The following ERC2 variants were observed in gnomAD, a reference collection of about 807,000 sequenced individuals.
ERC2 encodes ELKS/RAB6-interacting/CAST family member 2.
A neutral mutation model predicts 114.8 loss-of-function variants in ERC2; 42 were observed. The ratio of observed to expected loss-of-function variants is 0.37; its 90% confidence interval spans 0.29 to 0.47. ERC2 has a LOEUF of 0.47. Among genes scored for constraint, ERC2 ranks in the 20% least tolerant of loss-of-function variants. The probability of loss-of-function intolerance (pLI) is 0.99; values close to 1 mark genes in which losing one functional copy is unlikely to be tolerated. For missense variants in ERC2, 939 were observed against 1,150.7 expected (o/e 0.82, Z 2.66); for synonymous variants, 454 against 425.5 (o/e 1.07, Z -0.82).
intron 14 of ERC2, among the ~76,000 whole-genome samples, chr3:55,796,694 G>A (rs1575624362): frequency 1.3e-5 from 2 of 152,236 alleles, no homozygotes; most frequent in Middle Eastern, 6.8e-3. Flanking sequence ...CGAAGTGCTG[G>A]GATTACAGGC....
intron 14 of ERC2, among the ~76,000 whole-genome samples, chr3:55,869,410 A>G (rs1315043307): frequency 1.3e-5 from 2 of 152,126 alleles, no homozygotes; most frequent in African/African-American, 4.8e-5. Flanking sequence ...ACCTTCCAGA[A>G]CTGTTCTGAA....
chr3:56,458,698 G>A (rs2063175376), intron 1 of ERC2, among the ~76,000 whole-genome samples: 1 of 152,086 alleles, frequency 6.6e-6, no homozygotes, highest in African/African-American at 2.4e-5. Context: ...CTGTCAGGGA[G>A]AGGCTTCATG....
At chr3:56,193,298 A>G (rs2150074504) in intron 3 of ERC2, among the ~76,000 whole-genome samples, 1 of 152,286 alleles carries the variant, frequency 6.6e-6, no homozygotes, top group African/African-American at 2.4e-5. Context: ...AGGATCACTC[A>G]GGAGTTCGAG....
intron 17 of ERC2, among the ~76,000 whole-genome samples, chr3:55,552,673 G>GA (rs1303745795): frequency 1.3e-5 from 2 of 150,928 alleles, no homozygotes; most frequent in Non-Finnish European, 3.0e-5. Flanking sequence ...AGGAACCCCT[G>GA]AAAATGCCCT....
chr3:56,070,214 A>T lies in ERC2; in HGVS notation c.1641+10603T>A, dbSNP rs9813841. The stretch of plus-strand genomic sequence containing the variant: ...ACAGAACATTTTCCTTCCCACATAA[A>T]TAAGGTTGATTTAAATCAAATGGCC... On this transcript the variant is annotated intron_variant, in intron 7 of 17. Coordinates refer to ENST00000288221, the MANE Select transcript of ERC2 (RefSeq NM_015576.3). Among the ~76,000 whole-genome samples, 451 of 152,338 alleles carry T rather than the reference A, an allele frequency of 3.0e-3. 3 individuals carry two copies. The highest frequency in any genetic ancestry group is 0.01 in the African/African-American group (417 of 41,574).
chr3:56,289,306 C>T (rs2054927110), intron 3 of ERC2, among the ~76,000 whole-genome samples: 1 of 151,884 alleles, frequency 6.6e-6, no homozygotes, highest in African/African-American at 2.4e-5. Context: ...TTCCCTTCAA[C>T]TTCCATGGCC....
intron 14 of ERC2, among the ~76,000 whole-genome samples, chr3:55,790,098 A>C (rs1012946422): frequency 6.6e-6 from 1 of 152,106 alleles, no homozygotes; most frequent in African/African-American, 2.4e-5. Context: ...CTCACTTGAA[A>C]TCTTTTCATG....
chr3:55,589,945 T>C (rs1029099635), intron 17 of ERC2, among the ~76,000 whole-genome samples: 1 of 152,214 alleles, frequency 6.6e-6, no homozygotes, highest in Non-Finnish European at 1.5e-5. Flanking sequence ...CACTCCCCAG[T>C]GTCCCATCCA....
At chr3:56,385,601 G>A (rs1390534716) in intron 2 of ERC2, among the ~76,000 whole-genome samples, 1 of 152,136 alleles carries the variant, frequency 6.6e-6, no homozygotes, top group African/African-American at 2.4e-5. Flanking sequence ...AATCATTTAT[G>A]TAATATTGAA....
At chr3:55,687,034 G>T (rs1313396676) in intron 16 of ERC2, among the ~76,000 whole-genome samples, 2 of 152,298 alleles carry the variant, frequency 1.3e-5, no homozygotes, top group Admixed American at 6.5e-5. Context: ...CAGTTCCAGG[G>T]ATGACGTGAC....
At chr3:55,722,795 AT>A (rs1237720198) in intron 15 of ERC2, among the ~76,000 whole-genome samples, 1 of 152,168 alleles carries the variant, frequency 6.6e-6, no homozygotes, top group Non-Finnish European at 1.5e-5. Flanking sequence ...CTGTAGTAGG[AT>A]TCTGCCCCAA....
At position 56,158,851 on chromosome 3, in the gene ERC2, A is replaced by G. The variant is rs574783227; in HGVS notation, c.1150-9719T>C. Among the ~76,000 whole-genome samples the G allele has an allele frequency of 1.3e-4, 19 of 151,780 alleles. No homozygotes were observed. In the East Asian group the frequency reaches 3.3e-3, roughly 26 times the overall value. On this transcript the variant is annotated intron_variant, in intron 4 of 17. Transcript: ENST00000288221. ...AATTCCTGATCATTTCTATGTTTAG[A>G]AAAAAGCACATTATTGAAAACATGA...
chr3:55,903,593 C>T (rs963697828), intron 13 of ERC2, among the ~76,000 whole-genome samples: 1 of 152,226 alleles, frequency 6.6e-6, no homozygotes, highest in Non-Finnish European at 1.5e-5. Context: ...AAAACAGCCT[C>T]ATTATTTAAA....
At chr3:55,958,657 C>T (rs1417814609) in intron 12 of ERC2, among the ~76,000 whole-genome samples, 1 of 152,234 alleles carries the variant, frequency 6.6e-6, no homozygotes, top group African/African-American at 2.4e-5. Context: ...CTCGTCAGCA[C>T]CCAAAGTCTA....
At chr3:55,748,285 T>C (rs749106141) in intron 14 of ERC2, among the ~76,000 whole-genome samples, 1 of 152,204 alleles carries the variant, frequency 6.6e-6, no homozygotes, top group Non-Finnish European at 1.5e-5. Flanking sequence ...ACTGGCCACA[T>C]AAGCAAAAAT....
chr3:56,428,549 AAGGAAGGGAGGG>A (rs2061663331), intron 2 of ERC2, among the ~76,000 whole-genome samples: 1 of 23,950 alleles, frequency 4.2e-5, no homozygotes, highest in Admixed American at 6.4e-4. Flanking sequence ...GAAAGGAAGG[AAGGAAGGGAGGG>A]AGGGAGGGAG....
chr3:55,653,281 CATAGTTCACTTTA>C (rs762786492), intron 17 of ERC2, among the ~76,000 whole-genome samples: 3 of 151,906 alleles, frequency 2.0e-5, no homozygotes, highest in Non-Finnish European at 4.4e-5. Flanking sequence ...TGAATTTTTC[CATAGTTCACTTTA>C]ATTCTATTGC....
intron 1 of ERC2, among the ~76,000 whole-genome samples, chr3:56,445,083 G>A (rs1254274856): frequency 6.6e-6 from 1 of 152,162 alleles, no homozygotes; most frequent in Non-Finnish European, 1.5e-5. Flanking sequence ...TCCAGATTCT[G>A]ATGCTTCCTT....
chr3:56,345,263 C>T (rs1389081246), intron 2 of ERC2, among the ~76,000 whole-genome samples: 1 of 152,132 alleles, frequency 6.6e-6, no homozygotes, highest in Non-Finnish European at 1.5e-5. Flanking sequence ...TTTGTTCAAT[C>T]ATTCGTTCAA....
Sources: allele counts gnomAD v4.1 joint callset (sites outside exome capture counted in the v4.1 genomes callset), GRCh38; gene constraint gnomAD v4.1.1; transcripts MANE v1.5; gene names NCBI Gene and HGNC (gene_info 2026-07-23, HGNC 2026-07-21).